SATL1: variants seen among roughly 807,000 people sequenced by gnomAD.
The protein encoded by SATL1 is spermidine/spermine N1-acetyl transferase like 1.
In SATL1, 47 loss-of-function variants were observed where a neutral mutation model predicts 51.8. The observed-to-expected ratio is 0.91, with a 90% CI of 0.72 to 1.16. The LOEUF (loss-of-function observed/expected upper bound fraction) is 1.16. Among genes scored for constraint, SATL1 ranks in the 50% most tolerant of loss-of-function variants. The probability of loss-of-function intolerance (pLI) is 0.00; values close to 1 mark genes in which losing one functional copy is unlikely to be tolerated. For synonymous variants in SATL1, 176 were observed against 182.4 expected, an observed-to-expected ratio of 0.97 and a Z score of 0.28; for missense variants, 520 against 526.4, an observed-to-expected ratio of 0.99 and a Z score of 0.12.
chrX:85,134,764 G>A (rs940720102), intron 2 of SATL1, among the ~76,000 whole-genome samples: 5 of 111,494 alleles, frequency 4.5e-5, no homozygotes, highest in Non-Finnish European at 9.4e-5. Context: ...ATGCGAGGAG[G>A]ATGCCAGGGG....
chrX:85,212,433 C>T (rs951032661), intron 2 of SATL1, among the ~76,000 whole-genome samples: 15 of 111,131 alleles, frequency 1.3e-4, no homozygotes, highest in African/African-American at 4.9e-4. Context: ...GAAAATATTC[C>T]TTAACAAGAA....
chrX:85,136,426 GGAA>G (rs991045283), intron 2 of SATL1, among the ~76,000 whole-genome samples: 14 of 111,828 alleles, frequency 1.3e-4, no homozygotes, highest in African/African-American at 3.3e-4. Flanking sequence ...TGGAATAAAT[GGAA>G]GAAGAAGAGC....
At chrX:85,139,825 A>C (rs1044932930) in intron 2 of SATL1, among the ~76,000 whole-genome samples, 1 of 111,852 alleles carries the variant, frequency 8.9e-6, no homozygotes, top group Non-Finnish European at 1.9e-5. Context: ...ATTTCTATGA[A>C]CACCCCAACC....
intron 2 of SATL1, among the ~76,000 whole-genome samples, chrX:85,156,977 G>C (rs1926614694): frequency 9.5e-6 from 1 of 105,531 alleles, no homozygotes; most frequent in Non-Finnish European, 1.9e-5. Flanking sequence ...GAGCAGCTCT[G>C]AATGAAGAGT....
At chrX:85,227,327 TC>T (rs1408876406) in intron 1 of SATL1, among the ~76,000 whole-genome samples, 5 of 111,561 alleles carry the variant, frequency 4.5e-5, no homozygotes, top group Non-Finnish European at 9.4e-5. Flanking sequence ...ATTAAAGCAA[TC>T]CAAACAAAAC....
chrX:85,137,156 G>A (rs1208203888), intron 2 of SATL1, among the ~76,000 whole-genome samples: 3 of 111,253 alleles, frequency 2.7e-5, no homozygotes, highest in African/African-American at 9.8e-5. Context: ...CATTGAGATG[G>A]GAATGGAAGA....
chrX:85,109,382 A>G (rs1925201495), intron 2 of SATL1, 102 bp from the exon 3 acceptor site: 1 of 187,683 alleles, frequency 5.3e-6, no homozygotes, highest in Non-Finnish European at 9.9e-6. Flanking sequence ...GGCGGTCACA[A>G]TGCAGGTATC....
chrX:85,131,291 C>T (rs916628310), intron 2 of SATL1, among the ~76,000 whole-genome samples: 11 of 111,120 alleles, frequency 9.9e-5, no homozygotes, highest in Non-Finnish European at 1.7e-4. Context: ...TAAGTCTCTT[C>T]GTAAGTCTCT....
intron 2 of SATL1, chrX:85,207,534 G>A (rs1927813948): frequency 1.8e-5 from 2 of 111,387 alleles, no homozygotes; most frequent in Admixed American, 1.9e-4. Context: ...AATTTAAATG[G>A]GAATCTGCTC....
intron 1 of SATL1, among the ~76,000 whole-genome samples, chrX:85,228,532 C>A (rs774595287): frequency 5.4e-5 from 6 of 111,473 alleles, no homozygotes; most frequent in Non-Finnish European, 1.1e-4. Flanking sequence ...CAATTCCATT[C>A]ATCCCATTCT....
intron 4 of SATL1, among the ~76,000 whole-genome samples, chrX:85,095,299 G>T (rs890788925): frequency 1.3e-4 from 14 of 111,422 alleles, no homozygotes; most frequent in Non-Finnish European, 2.1e-4. Context: ...CAGCTTGCTG[G>T]AGCAAGGGTG....
At chrX:85,178,644 AAAC>A (rs375614393) in intron 2 of SATL1, among the ~76,000 whole-genome samples, 1 of 107,521 alleles carries the variant, frequency 9.3e-6, no homozygotes, top group African/African-American at 3.5e-5. Context: ...ACAAACAAAC[AAAC>A]AAAAAAAAAC....
At chrX:85,134,820 A>G (rs1350944989) in intron 2 of SATL1, among the ~76,000 whole-genome samples, 1 of 111,925 alleles carries the variant, frequency 8.9e-6, no homozygotes, top group Admixed American at 9.5e-5. Context: ...GAGTAGCAAC[A>G]GATAAAGCTG....
rs1928235415 is a variant in SATL1 at position 85,224,373 on chromosome X, T to C, written c.-434-47A>G. On this transcript the variant is annotated intron_variant, in intron 1 of 7. Transcript: ENST00000644105. ...TTATTTAACTTAATCACATATTTTG[T>C]CACATAAGTAATGTTTACAGATCCC... 4 of 111,299 alleles carry C rather than the reference T, an allele frequency of 3.6e-5. No individual in the cohort carries two copies. In the Admixed American group the frequency reaches 3.8e-4, roughly 11 times the overall value. The allele number at this position is 111,299 out of a possible 1,213,427, so 9.2% of individuals were successfully genotyped here.
chrX:85,165,384 C>T (rs780896461), intron 2 of SATL1, among the ~76,000 whole-genome samples: 1 of 110,588 alleles, frequency 9.0e-6, no homozygotes, highest in Non-Finnish European at 1.9e-5. Context: ...CTTTCATTTC[C>T]AGAAGCTGTG....
intron 1 of SATL1, among the ~76,000 whole-genome samples, chrX:85,227,950 A>G (rs1251894154): frequency 3.6e-5 from 4 of 111,490 alleles, no homozygotes; most frequent in Non-Finnish European, 7.6e-5. Context: ...GAGTTGTAAT[A>G]ATATGATACA....
At chrX:85,113,407 T>C (rs1040054115) in intron 2 of SATL1, among the ~76,000 whole-genome samples, 3 of 111,511 alleles carry the variant, frequency 2.7e-5, no homozygotes, top group Admixed American at 9.5e-5. Context: ...CTGATTTCAA[T>C]ATGTGCCCAG....
At chrX:85,212,841 C>A in intron 2 of SATL1, 1 of 110,388 alleles carries the variant, frequency 9.1e-6, no homozygotes, top group East Asian at 2.9e-4. Context: ...GCATCTCAAT[C>A]TCCATATATG....
At chrX:85,235,203 A>G (rs1335543258) in intron 1 of SATL1, among the ~76,000 whole-genome samples, 4 of 111,368 alleles carry the variant, frequency 3.6e-5, no homozygotes, top group Non-Finnish European at 7.6e-5. Context: ...TACAGCACCC[A>G]GATACATAAA....
Sources: gnomAD v4.1 joint callset for allele counts (sites outside exome capture counted in the v4.1 genomes callset) on GRCh38, gnomAD v4.1.1 for gene constraint, MANE v1.5 for transcripts, NCBI Gene and HGNC (gene_info 2026-07-23, HGNC 2026-07-21) for gene names.